The following BRINP2 variants were observed in gnomAD, a reference collection of about 807,000 sequenced individuals.
The protein encoded by BRINP2 is BMP/retinoic acid inducible neural specific 2.
Under a neutral mutation model 69.2 loss-of-function variants are expected in BRINP2, and 21 were observed. That is an observed-to-expected ratio of 0.30 (90% CI 0.22 to 0.44). BRINP2 has a LOEUF of 0.44. BRINP2 is among the 20% of genes least tolerant of loss of function. BRINP2 has a pLI of 1.00. For synonymous variants in BRINP2, 380 were observed against 394.1 expected, an observed-to-expected ratio of 0.96 and a Z score of 0.42; for missense variants, 877 against 986.0, an observed-to-expected ratio of 0.89 and a Z score of 1.48.
intron 1 of BRINP2, among the ~76,000 whole-genome samples, chr1:177,219,343 G>T (rs1416761689): frequency 6.6e-6 from 1 of 152,222 alleles, no homozygotes; most frequent in Non-Finnish European, 1.5e-5. Flanking sequence ...GGGGCCTAAA[G>T]AGAGAGCCCT....
chr1:177,281,164 A>G lies in BRINP2; in HGVS notation c.1988A>G (p.Tyr663Cys). Residue 663 changes from tyrosine to cysteine, a missense_variant, in exon 8 of 8, where the codon TAT becomes TGT. Tyr to Cys is a radical substitution (Grantham distance 194). Transcript: ENST00000361539. ...LDDSSNETIYYEPLEMTDPSK... is the reference protein window; with the variant it reads ...LDDSSNETIYCEPLEMTDPSK... ...GACAGCTCCAATGAGACAATCTACT[A>G]TGAGCCCCTGGAGATGACTGATCCC... The G allele has an allele frequency of 6.2e-7, 1 of 1,614,212 alleles. No homozygotes were observed. Among genetic ancestry groups the G allele is most frequent in the Non-Finnish European group, 8.5e-7 (1 of 1,180,032 alleles).
chr1:177,234,501 T>G lies in BRINP2; in HGVS notation c.269+4356T>G, dbSNP rs80054190. 6.7e-4 allele frequency among the ~76,000 whole-genome samples: 102 copies of G among 151,404 alleles called. No homozygotes were observed. In the East Asian group the frequency reaches 0.01, roughly 15 times the overall value. On this transcript the variant is annotated intron_variant, in intron 2 of 7. Coordinates refer to ENST00000361539, the MANE Select transcript of BRINP2 (RefSeq NM_021165.4). ...ACAAATCAAAGTAATGAGCAGTCTG[T>G]TTTTTTTTATTTCTTTTTTGTATTA...
chr1:177,219,868 A>G (rs1043757020), intron 1 of BRINP2, among the ~76,000 whole-genome samples: 6 of 152,210 alleles, frequency 3.9e-5, no homozygotes, highest in African/African-American at 1.4e-4. Context: ...CACCCTATGT[A>G]TATACAGAGA....
At chr1:177,185,148 A>C (rs989237455) in intron 1 of BRINP2, among the ~76,000 whole-genome samples, 1 of 152,194 alleles carries the variant, frequency 6.6e-6, no homozygotes, top group Admixed American at 6.5e-5. Flanking sequence ...GTTGGAAAAA[A>C]AAAAAGGTTC....
intron 7 of BRINP2, 27 bp from the exon 8 acceptor site, chr1:177,280,383 CTT>C (rs1374505876): frequency 6.4e-7 from 1 of 1,558,138 alleles, no homozygotes; most frequent in Non-Finnish European, 8.7e-7. Context: ...TCTTTTGACT[CTT>C]ACTTCATTTT....
At chr1:177,204,502 G>A (rs1339853382) in intron 1 of BRINP2, among the ~76,000 whole-genome samples, 1 of 152,006 alleles carries the variant, frequency 6.6e-6, no homozygotes, top group Admixed American at 6.6e-5. Context: ...AAAAGAGAGT[G>A]GGGCCAAGAA....
chr1:177,178,025 C>T (rs17314596), intron 1 of BRINP2, among the ~76,000 whole-genome samples: 8,992 of 152,286 alleles, frequency 0.059, 364 homozygotes, highest in Non-Finnish European at 0.089. Context: ...TGTAAATTGT[C>T]CTGGGCTCTG....
intron 6 of BRINP2, 104 bp downstream of exon 6, chr1:177,276,538 C>A: frequency 1.0e-6 from 1 of 981,690 alleles, no homozygotes; most frequent in Non-Finnish European, 1.5e-6. Flanking sequence ...TCATGGGGAT[C>A]CTGACATGAC....
intron 1 of BRINP2, among the ~76,000 whole-genome samples, chr1:177,174,665 T>C (rs1042982911): frequency 6.6e-6 from 1 of 152,218 alleles, no homozygotes; most frequent in Non-Finnish European, 1.5e-5. Flanking sequence ...ACAGAAATAA[T>C]AACTGCAGCA....
At chr1:177,249,177 T>C (rs1453136590) in intron 2 of BRINP2, among the ~76,000 whole-genome samples, 1 of 152,210 alleles carries the variant, frequency 6.6e-6, no homozygotes, top group East Asian at 1.9e-4. Context: ...GGATTATACC[T>C]TCCAGGCTGG....
rs368347121 is a variant in BRINP2, at chr1:177,276,227, C to T, written c.805C>T (p.Arg269Cys). 11 of 1,614,068 alleles carry T rather than the reference C, an allele frequency of 6.8e-6. No individual in the cohort carries two copies. Among genetic ancestry groups the T allele is most frequent in the African/African-American group, 2.7e-5 (2 of 75,072 alleles). Reference protein sequence around the residue: ...GLQVLLPEYLRERFVAAALSY... With the variant: ...GLQVLLPEYLCERFVAAALSY... ...TCAGGTGCTGCTGCCTGAGTATCTG[C>T]GTGAGCGCTTTGTAGCTGCAGCACT... The change falls in exon 6 of 8, where the codon CGT becomes TGT. Residue 269 changes from arginine (R) to cysteine (C), a missense_variant. By Grantham distance (180) the Arg-to-Cys change is radical. Transcript: ENST00000361539.
At chr1:177,264,552 G>A (rs1651061054) in intron 4 of BRINP2, among the ~76,000 whole-genome samples, 1 of 152,178 alleles carries the variant, frequency 6.6e-6, no homozygotes, top group African/African-American at 2.4e-5. Context: ...TGTATATTTA[G>A]AAAACCCCAT....
Position 177,216,775 on chromosome 1 carries a change from G to A in BRINP2, c.-76-13026G>A, listed in dbSNP as rs369691239. 2.8e-4 allele frequency among the ~76,000 whole-genome samples: 41 copies of A among 146,780 alleles called. No individual in the cohort carries two copies. The South Asian group carries it at 8.8e-3, about 31-fold the overall frequency. On this transcript the variant is annotated intron_variant, in intron 1 of 7. Coordinates refer to ENST00000361539, the MANE Select transcript of BRINP2 (RefSeq NM_021165.4). Reference sequence around the variant, plus strand: ...TTTTCTGAGTGAAGTATTCTTGGTTGGTAGTTTTTTTTTTTTTTTTTCACT... The same window carrying A: ...TTTTCTGAGTGAAGTATTCTTGGTTAGTAGTTTTTTTTTTTTTTTTTCACT...
chr1:177,257,658 G>C (rs1013326946), intron 4 of BRINP2, among the ~76,000 whole-genome samples: 1 of 152,190 alleles, frequency 6.6e-6, no homozygotes, highest in African/African-American at 2.4e-5. Flanking sequence ...CACTCTGGTG[G>C]AGGATGGAAA....
chr1:177,246,758 G>A (rs761552689), intron 2 of BRINP2, among the ~76,000 whole-genome samples: 24 of 152,308 alleles, frequency 1.6e-4, no homozygotes, highest in Middle Eastern at 6.8e-3. Context: ...AAAGCACTAC[G>A]CCAATATATG....
intron 1 of BRINP2, among the ~76,000 whole-genome samples, chr1:177,171,950 T>C (rs1349177217): frequency 6.6e-6 from 1 of 152,192 alleles, no homozygotes; most frequent in Non-Finnish European, 1.5e-5. Flanking sequence ...TATTGCCTCC[T>C]GGTGTTGCAT....
chr1:177,277,014 C>T (rs1651521245), intron 6 of BRINP2, among the ~76,000 whole-genome samples: 1 of 152,152 alleles, frequency 6.6e-6, no homozygotes, highest in Admixed American at 6.5e-5. Flanking sequence ...ATGGAAGGCT[C>T]ACATGAGATC....
Position 177,193,999 on chromosome 1 carries a change from C to A in BRINP2, c.-77+22267C>A, listed in dbSNP as rs184603462. On this transcript the variant is annotated intron_variant, in intron 1 of 7. Coordinates refer to ENST00000361539, the MANE Select transcript of BRINP2 (RefSeq NM_021165.4). Reference sequence around the variant, plus strand: ...GTAGAATTGGAACCCAGTTCCCATTCTTTCTAATCCATGGCCCTGAACTTT... The same window carrying A: ...GTAGAATTGGAACCCAGTTCCCATTATTTCTAATCCATGGCCCTGAACTTT... 3.9e-5 allele frequency among the ~76,000 whole-genome samples: 6 copies of A among 152,302 alleles called. No individual in the cohort carries two copies. In the East Asian group the frequency reaches 9.6e-4, roughly 24 times the overall value.
intron 2 of BRINP2, among the ~76,000 whole-genome samples, chr1:177,237,903 G>A (rs2102331208): frequency 6.6e-6 from 1 of 152,248 alleles, no homozygotes; most frequent in South Asian, 2.1e-4. Flanking sequence ...TAAGAGAATA[G>A]CTTTTTCTAG....
Sources: gnomAD v4.1 joint callset for allele counts (sites outside exome capture counted in the v4.1 genomes callset) on GRCh38, gnomAD v4.1.1 for gene constraint, MANE v1.5 for transcripts, NCBI Gene and HGNC (gene_info 2026-07-23, HGNC 2026-07-21) for gene names.